The following RP9 variants were observed in gnomAD, a reference collection of about 807,000 sequenced individuals.
RP9 encodes the protein RP9 pre-mRNA splicing factor, also known as retinitis pigmentosa 9 protein.
In RP9, 23 loss-of-function variants were observed where a neutral mutation model predicts 32.6. That is an observed-to-expected ratio of 0.71 (90% CI 0.51 to 1.00). The LOEUF (loss-of-function observed/expected upper bound fraction) is 1.00. Ranked by LOEUF, RP9 falls within the 50% of genes least tolerant of loss-of-function variation. The pLI, the probability that RP9 is intolerant of heterozygous loss-of-function variation, is 0.00. For missense variants in RP9, 245 were observed against 285.3 expected (o/e 0.86, Z 1.02); for synonymous variants, 94 against 103.6 (o/e 0.91, Z 0.56).
chr7:33,101,372 C>T (rs1045155265), intron 1 of RP9, among the ~76,000 whole-genome samples: 16 of 152,090 alleles, frequency 1.1e-4, no homozygotes, highest in Non-Finnish European at 1.6e-4. Context: ...GAGGCTGAGG[C>T]GGGCAGATCA....
chr7:33,095,871 A>G (rs1238169555), intron 5 of RP9, among the ~76,000 whole-genome samples: 1 of 151,990 alleles, frequency 6.6e-6, no homozygotes, highest in Non-Finnish European at 1.5e-5. Flanking sequence ...TTCCTCTGTC[A>G]CCTAGGCTGG....
intron 1 of RP9, among the ~76,000 whole-genome samples, chr7:33,104,708 G>A (rs115134579): frequency 1.3e-5 from 2 of 152,154 alleles, no homozygotes; most frequent in Non-Finnish European, 2.9e-5. Context: ...AGCCTCTGGA[G>A]TAGCTGGGAC....
chr7:33,108,624 T>G (rs958749076), intron 1 of RP9, among the ~76,000 whole-genome samples: 1 of 152,244 alleles, frequency 6.6e-6, no homozygotes, highest in Non-Finnish European at 1.5e-5. Flanking sequence ...GCAACTTTTA[T>G]CGCCTGAGCG....
At chr7:33,099,170 T>G in intron 3 of RP9, 137 bp downstream of exon 3, 1 of 1,005,928 alleles carries the variant, frequency 9.9e-7, no homozygotes, top group Non-Finnish European at 1.6e-6. Flanking sequence ...GGTGGATGCT[T>G]CCTTATCTAG....
Position 33,097,323 on chromosome 7 carries a change from T to C in RP9, c.353A>G (p.Lys118Arg), listed in dbSNP as rs770107330. 3 of 1,614,132 alleles carry C rather than the reference T, an allele frequency of 1.9e-6. No homozygotes were observed. Among genetic ancestry groups the C allele is most frequent in the Non-Finnish European group, 2.5e-6 (3 of 1,179,966 alleles). ...GCCTTTGATAAAGAAAGGGCATTCT[T>C]TGTCACCCGTTCGGTGACCATAGCG... ...CKRYGHRTGD[K>R]ECPFFIKGNQ... Residue 118 changes from lysine to arginine, a missense_variant, in exon 4 of 6, where the codon AAA (lysine) becomes AGA (arginine). Coordinates refer to ENST00000297157, the MANE Select transcript of RP9 (RefSeq NM_203288.2).
intron 4 of RP9, among the ~76,000 whole-genome samples, 176 bp from the exon 5 acceptor site, chr7:33,096,730 T>C (rs980119237): frequency 2.6e-4 from 39 of 152,312 alleles, no homozygotes; most frequent in African/African-American, 8.2e-4. Context: ...AAAAAATGGA[T>C]TTTCCAATTA....
At chr7:33,100,830 A>C in intron 1 of RP9, 1 of 612,576 alleles carries the variant, frequency 1.6e-6, no homozygotes. Flanking sequence ...CTGAGCACGC[A>C]AGTCTCCAGA....
chr7:33,103,075 A>G lies in RP9; in HGVS notation c.153-2514T>C, dbSNP rs77789407. On this transcript the variant is annotated intron_variant, in intron 1 of 5. Transcript: ENST00000297157. ...GATGCTTTAAAAATGACAGTGAAAAAATAAAAAGGCCATAAAGATATCCCA... is the reference window on the plus strand; with the variant it reads ...GATGCTTTAAAAATGACAGTGAAAAGATAAAAAGGCCATAAAGATATCCCA... 0.011 allele frequency among the ~76,000 whole-genome samples: 1,738 copies of G among 152,356 alleles called. 83 individuals carry two copies. In the East Asian group the frequency reaches 0.16, roughly 14 times the overall value.
chr7:33,106,086 A>G (rs1788494318), intron 1 of RP9, among the ~76,000 whole-genome samples: 1 of 152,228 alleles, frequency 6.6e-6, no homozygotes, highest in South Asian at 2.1e-4. Flanking sequence ...AAAAGTTAAC[A>G]ATAGTATAGA....
At chr7:33,103,972 A>G (rs1316336738) in intron 1 of RP9, among the ~76,000 whole-genome samples, 4 of 152,192 alleles carry the variant, frequency 2.6e-5, no homozygotes, top group Admixed American at 1.3e-4. Context: ...AAAAAAGAAA[A>G]ACGAGTGAGT....
intron 1 of RP9, among the ~76,000 whole-genome samples, chr7:33,105,590 C>T (rs1179641346): frequency 1.3e-5 from 2 of 152,002 alleles, no homozygotes; most frequent in Admixed American, 1.3e-4. Context: ...CTTTCTGTGT[C>T]AGAGGTGGCC....
intron 1 of RP9, among the ~76,000 whole-genome samples, chr7:33,107,293 A>G (rs1166521146): frequency 6.6e-6 from 1 of 152,214 alleles, no homozygotes; most frequent in African/African-American, 2.4e-5. Flanking sequence ...CTAACTGGTC[A>G]ATGTATGCTT....
intron 1 of RP9, among the ~76,000 whole-genome samples, chr7:33,102,819 C>T (rs1252303722): frequency 6.6e-6 from 1 of 152,212 alleles, no homozygotes; most frequent in Non-Finnish European, 1.5e-5. Flanking sequence ...CTCTGTTATG[C>T]CTGGCAGCCC....
chr7:33,101,379 A>G (rs1340491421), intron 1 of RP9, among the ~76,000 whole-genome samples: 1 of 152,156 alleles, frequency 6.6e-6, no homozygotes, highest in Non-Finnish European at 1.5e-5. Context: ...AGGCGGGCAG[A>G]TCACTTGAGG....
At chr7:33,099,060 G>T in intron 3 of RP9, 1 of 573,906 alleles carries the variant, frequency 1.7e-6, no homozygotes, top group Non-Finnish European at 3.1e-6. Flanking sequence ...GGAAATCTGA[G>T]ATCAGGGTCC....
intron 1 of RP9, among the ~76,000 whole-genome samples, chr7:33,102,308 T>A (rs1244361463): frequency 1.3e-5 from 2 of 152,230 alleles, no homozygotes; most frequent in African/African-American, 2.4e-5. Context: ...GGTTCTACAG[T>A]GTGACAGTTA....
intron 1 of RP9, among the ~76,000 whole-genome samples, chr7:33,107,477 C>T (rs1048398099): frequency 3.3e-5 from 5 of 152,186 alleles, no homozygotes; most frequent in African/African-American, 9.7e-5. Flanking sequence ...CTGATGCTTA[C>T]GCTAGGGGAA....
rs1788305714 is a variant in RP9, at chr7:33,094,884, G to A, written c.*350C>T. 2.8e-6 allele frequency: 1 copy of A among 360,062 alleles called. No homozygotes were observed. The highest frequency in any genetic ancestry group is 2.0e-5 in the African/African-American group (1 of 48,846). 22.3% of individuals were successfully genotyped at this position (360,062 alleles called of 1,614,324 possible). On this transcript the variant is annotated 3_prime_UTR_variant, in exon 6 of 6. Transcript: ENST00000297157. Reference sequence around the variant, plus strand: ...CTATGGGACCTGAGTCCACACTGTGGAGGGCACAAGCTGTGGGAGGGCCTG... The same window carrying A: ...CTATGGGACCTGAGTCCACACTGTGAAGGGCACAAGCTGTGGGAGGGCCTG...
At chr7:33,099,570 G>GA (rs1788396481) in intron 2 of RP9, 134 bp from the exon 3 acceptor site, 3 of 901,552 alleles carry the variant, frequency 3.3e-6, no homozygotes, top group Admixed American at 2.1e-5. Context: ...CTCAAAACTA[G>GA]AAAAAAAGAC....
Sources: allele counts gnomAD v4.1 joint callset (sites outside exome capture counted in the v4.1 genomes callset), GRCh38; gene constraint gnomAD v4.1.1; transcripts MANE v1.5; gene names NCBI Gene and HGNC (gene_info 2026-07-23, HGNC 2026-07-21).